Variants in NRXN1 observed in about 807,000 individuals in gnomAD.
NRXN1 encodes the protein neurexin-1.
A neutral mutation model predicts 150.9 loss-of-function variants in NRXN1; 39 were observed. The ratio of observed to expected loss-of-function variants is 0.26; its 90% CI spans 0.20 to 0.34. The LOEUF (loss-of-function observed/expected upper bound fraction) is 0.34, where lower values mean the gene tolerates loss of function less well. Ranked by LOEUF, NRXN1 falls within the 10% of genes least tolerant of loss-of-function variation. NRXN1 has a pLI of 1.00. For missense variants in NRXN1, 1,815 were observed against 1,949.9 expected, an observed-to-expected ratio of 0.93 and a Z score of 1.30; for synonymous variants, 924 against 757.0, an observed-to-expected ratio of 1.22 and a Z score of -3.62.
At chr2:50,148,553 A>G (rs1558976741) in intron 18 of NRXN1, among the ~76,000 whole-genome samples, 2 of 151,660 alleles carry the variant, frequency 1.3e-5, no homozygotes, top group African/African-American at 4.8e-5. Flanking sequence ...CTTTTCCTGA[A>G]CACAGGTCCA....
At chr2:50,744,442 T>A (rs1190831947) in intron 5 of NRXN1, among the ~76,000 whole-genome samples, 1 of 152,112 alleles carries the variant, frequency 6.6e-6, no homozygotes, top group Admixed American at 6.5e-5. Context: ...TAACAAGATA[T>A]AATTAATAAT....
intron 8 of NRXN1, among the ~76,000 whole-genome samples, chr2:50,579,817 A>G (rs994541526): frequency 3.3e-5 from 5 of 152,124 alleles, no homozygotes; most frequent in Admixed American, 1.3e-4. Flanking sequence ...GAATATGACA[A>G]TCCTACCACT....
At chr2:50,666,663 T>C (rs947656677) in intron 5 of NRXN1, among the ~76,000 whole-genome samples, 2 of 151,920 alleles carry the variant, frequency 1.3e-5, no homozygotes, top group Non-Finnish European at 2.9e-5. Context: ...GATGTTTATA[T>C]GGCTGCTTCT....
At chr2:50,644,923 T>C (rs191223991) in intron 5 of NRXN1, among the ~76,000 whole-genome samples, 1 of 151,760 alleles carries the variant, frequency 6.6e-6, no homozygotes, top group African/African-American at 2.4e-5. Context: ...TACATATTTC[T>C]TTTTCAAAAG....
intron 21 of NRXN1, among the ~76,000 whole-genome samples, chr2:50,011,060 GAGTT>G (rs923022377): frequency 6.6e-5 from 10 of 152,106 alleles, no homozygotes; most frequent in Non-Finnish European, 1.3e-4. Context: ...CCTCCTTGGA[GAGTT>G]TTTACAATCT....
At chr2:49,976,114 T>C (rs1408298710) in intron 21 of NRXN1, among the ~76,000 whole-genome samples, 1 of 147,854 alleles carries the variant, frequency 6.8e-6, no homozygotes, top group Non-Finnish European at 1.5e-5. Context: ...CCTCTGCCTC[T>C]CAGGTTCAAG....
In NRXN1 at chr2:50,192,609, T is replaced by G. The variant is rs1187158226; in HGVS notation, c.3546+44180A>C. ...AAATCGGAAGAATATATACTTTTTT[T>G]TGGGGGGGGCGGTGGGGGACAGAGT... is the stretch of plus-strand genomic sequence containing the variant. On this transcript the variant is annotated intron_variant, in intron 18 of 22. Coordinates refer to ENST00000401669, the MANE Select transcript of NRXN1 (RefSeq NM_001330078.2). Among the ~76,000 whole-genome samples, 9 of 147,482 alleles carry G rather than the reference T, an allele frequency of 6.1e-5. 1 individual carries two copies. Among genetic ancestry groups the G allele is most frequent in the African/African-American group, 2.1e-4 (8 of 37,722 alleles).
At chr2:50,424,404 CAG>C (rs2084313867) in intron 17 of NRXN1, among the ~76,000 whole-genome samples, 2 of 150,556 alleles carry the variant, frequency 1.3e-5, no homozygotes, top group African/African-American at 4.9e-5. Context: ...GTTTGCAAAT[CAG>C]AGAGACGGTA....
intron 17 of NRXN1, among the ~76,000 whole-genome samples, chr2:50,400,438 T>A (rs982614050): frequency 3.3e-5 from 5 of 152,088 alleles, no homozygotes; most frequent in Non-Finnish European, 7.4e-5. Context: ...CATATAAACA[T>A]AATAAAGTGG....
intron 5 of NRXN1, among the ~76,000 whole-genome samples, chr2:50,880,486 G>A (rs1679274943): frequency 6.6e-6 from 1 of 151,916 alleles, no homozygotes; most frequent in Non-Finnish European, 1.5e-5. Context: ...TAACCACTGT[G>A]TCTCCCACAG....
intron 5 of NRXN1, among the ~76,000 whole-genome samples, chr2:50,767,674 T>C (rs1453799526): frequency 6.6e-6 from 1 of 152,096 alleles, no homozygotes. Context: ...TGCTAAACAA[T>C]AGTTCTTTAA....
At chr2:50,997,711 T>C (rs2105054799) in intron 2 of NRXN1, among the ~76,000 whole-genome samples, 1 of 140,792 alleles carries the variant, frequency 7.1e-6, no homozygotes, top group East Asian at 2.0e-4. Context: ...GTTTTTGCTA[T>C]GTTGCCCAGC....
intron 17 of NRXN1, among the ~76,000 whole-genome samples, chr2:50,310,599 CATT>C (rs2075093727): frequency 6.6e-6 from 1 of 152,178 alleles, no homozygotes; most frequent in Admixed American, 6.5e-5. Flanking sequence ...TCAATTTAAA[CATT>C]ATTATTACTT....
At chr2:50,120,212 A>T (rs1288527930) in intron 18 of NRXN1, among the ~76,000 whole-genome samples, 3 of 152,166 alleles carry the variant, frequency 2.0e-5, no homozygotes, top group Admixed American at 6.5e-5. Context: ...GTAGAGGAAA[A>T]TATCAATATA....
intron 18 of NRXN1, among the ~76,000 whole-genome samples, chr2:50,180,361 G>A (rs954659817): frequency 6.6e-6 from 1 of 152,054 alleles, no homozygotes; most frequent in Non-Finnish European, 1.5e-5. Flanking sequence ...TAATTCTGAT[G>A]AGAATCCTTG....
chr2:50,421,162 T>G (rs1439712876), intron 17 of NRXN1, among the ~76,000 whole-genome samples: 1 of 152,094 alleles, frequency 6.6e-6, no homozygotes, highest in Admixed American at 6.6e-5. Context: ...AAAGGACTTT[T>G]ACACTAACGT....
intron 13 of NRXN1, among the ~76,000 whole-genome samples, chr2:50,505,301 T>C (rs1362439207): frequency 6.6e-6 from 1 of 152,126 alleles, no homozygotes; most frequent in Non-Finnish European, 1.5e-5. Context: ...AATTCACTTA[T>C]CCTCTTCGAG....
At chr2:50,945,161 G>C (rs1408341059) in intron 2 of NRXN1, among the ~76,000 whole-genome samples, 1 of 152,182 alleles carries the variant, frequency 6.6e-6, no homozygotes, top group Non-Finnish European at 1.5e-5. Context: ...CAATGGGAAA[G>C]CAGTTACAAA....
At chr2:50,205,428 C>A (rs749869587) in intron 18 of NRXN1, among the ~76,000 whole-genome samples, 14 of 152,074 alleles carry the variant, frequency 9.2e-5, no homozygotes, top group Non-Finnish European at 1.9e-4. Flanking sequence ...CAGAAGACTA[C>A]ATGAAGGCAG....
Sources: gnomAD v4.1 joint callset for allele counts (sites outside exome capture counted in the v4.1 genomes callset) on GRCh38, gnomAD v4.1.1 for gene constraint, MANE v1.5 for transcripts, NCBI Gene and HGNC (gene_info 2026-07-23, HGNC 2026-07-21) for gene names.